The following SGIP1 variants were observed in gnomAD, a reference collection of about 807,000 sequenced individuals.
The protein encoded by SGIP1 is SH3-containing GRB2-like protein 3-interacting protein 1.
In SGIP1, 38 loss-of-function variants were observed where a neutral mutation model predicts 107.5. That is an observed-to-expected ratio of 0.35 (90% CI 0.27 to 0.46). SGIP1 has a LOEUF of 0.46. Among genes scored for constraint, SGIP1 ranks in the 20% least tolerant of loss-of-function variants. The pLI, the probability that SGIP1 is intolerant of heterozygous loss-of-function variation, is 1.00. For missense variants in SGIP1, 929 were observed against 1,019.5 expected (o/e 0.91, Z 1.21); for synonymous variants, 365 against 366.1 (o/e 1.00, Z 0.03).
At chr1:66,574,555 AAGG>A (rs1326209448) in intron 1 of SGIP1, among the ~76,000 whole-genome samples, 2 of 152,194 alleles carry the variant, frequency 1.3e-5, no homozygotes, top group African/African-American at 4.8e-5. Flanking sequence ...CATTAAGGGA[AAGG>A]AGAATATGCT....
At chr1:66,635,861 C>T in intron 3 of SGIP1, 83 bp from the exon 4 acceptor site, 1 of 1,379,574 alleles carries the variant, frequency 7.2e-7, no homozygotes, top group Non-Finnish European at 1.0e-6. Context: ...TGTTTGCTGA[C>T]TCCATGTAAT....
Position 66,683,700 on chromosome 1 carries a change from C to CTTTTTTTTTTTTTTTTTTTTTTTTTT in SGIP1, c.1315+1334_1315+1359dup, listed in dbSNP as rs869266510. 7.7e-4 allele frequency among the ~76,000 whole-genome samples: 47 copies of CTTTTTTTTTTTTTTTTTTTTTTTTTT among 61,392 alleles called. 11 individuals are homozygous for CTTTTTTTTTTTTTTTTTTTTTTTTTT. The highest frequency in any genetic ancestry group is 6.6e-3 in the East Asian group (6 of 908). The allele number at this position is 61,392 out of a possible 152,430, so 40.3% of individuals were successfully genotyped here. On this transcript the variant is annotated intron_variant, in intron 15 of 24. Transcript: ENST00000371037. ...ACCACACTGTTTGTTTGTTTCTTTT[C>CTTTTTTTTTTTTTTTTTTTTTTTTTT]TTTTTTTTTTTTTTTTTTTTTTTTT...
Position 66,585,960 on chromosome 1 carries a change from G to A in SGIP1, c.11-39887G>A, listed in dbSNP as rs534903663. On this transcript the variant is annotated intron_variant, in intron 1 of 24. Transcript: ENST00000371037. ...CAATTCTTGAGAAAGAGGTCTTAAA[G>A]TCTCCAACTACAATTGTGGATTTGT... 2.7e-4 allele frequency among the ~76,000 whole-genome samples: 41 copies of A among 152,306 alleles called. No homozygotes were observed. In the South Asian group the frequency reaches 8.1e-3, roughly 30 times the overall value.
intron 1 of SGIP1, among the ~76,000 whole-genome samples, chr1:66,576,633 T>C (rs1017499988): frequency 2.0e-5 from 3 of 152,162 alleles, no homozygotes; most frequent in Non-Finnish European, 4.4e-5. Flanking sequence ...CCCTTCTATA[T>C]TTTTACTCCA....
intron 1 of SGIP1, among the ~76,000 whole-genome samples, chr1:66,540,524 G>A (rs2054671973): frequency 6.6e-6 from 1 of 152,156 alleles, no homozygotes; most frequent in African/African-American, 2.4e-5. Context: ...GCCTGAAAAT[G>A]GTGGCTTATA....
chr1:66,561,266 C>T (rs572381610), intron 1 of SGIP1, among the ~76,000 whole-genome samples: 68 of 151,980 alleles, frequency 4.5e-4, no homozygotes, highest in Non-Finnish European at 7.9e-4. Context: ...TTGGTAGTGG[C>T]ATTATTGAGA....
rs190537920 is a variant in SGIP1, at chr1:66,567,507, A to G, written c.10+33139A>G. 1.2e-3 allele frequency among the ~76,000 whole-genome samples: 177 copies of G among 152,246 alleles called. 1 individual carries two copies. Among genetic ancestry groups the G allele is most frequent in the Non-Finnish European group, 2.0e-3 (138 of 68,018 alleles). ...TGCTGTGCAGAAGATCTTTAGTTTA[A>G]TTAGATCCTATTTGTCAATTTTCAT... On this transcript the variant is annotated intron_variant, in intron 1 of 24. Coordinates refer to ENST00000371037, the MANE Select transcript of SGIP1 (RefSeq NM_032291.4).
At position 66,675,537 on chromosome 1, in the gene SGIP1, C is replaced by CTTTTTTTTTTTTTTTTTT. The variant is rs141370211; in HGVS notation, c.647-1464_647-1463insTTTTTTTTTTTTTTTTTT. Among the ~76,000 whole-genome samples, 105 of 109,192 alleles carry CTTTTTTTTTTTTTTTTTT rather than the reference C, an allele frequency of 9.6e-4. 17 individuals are homozygous for CTTTTTTTTTTTTTTTTTT. The highest frequency in any genetic ancestry group is 2.8e-3 in the African/African-American group (67 of 24,244). The allele number at this position is 109,192 out of a possible 152,430, so 71.6% of individuals were successfully genotyped here. ...TTTCGTTGTTTTTCTTTTTCTTTTTCTTTCTTTTTTTTTTTTTTTTTTGAC... is the reference window on the plus strand; with the variant it reads ...TTTCGTTGTTTTTCTTTTTCTTTTTCTTTTTTTTTTTTTTTTTTTTTCTTTTTTTTTTTTTTTTTTGAC... On this transcript the variant is annotated intron_variant, in intron 12 of 24. Coordinates refer to ENST00000371037, the MANE Select transcript of SGIP1 (RefSeq NM_032291.4).
intron 18 of SGIP1, among the ~76,000 whole-genome samples, chr1:66,716,606 T>C (rs2150399239): frequency 6.6e-6 from 1 of 152,184 alleles, no homozygotes; most frequent in South Asian, 2.1e-4. Context: ...AAGTCCATTG[T>C]TTCAAATACT....
chr1:66,631,063 GAAAGAAAGAAAGAAAGAAA>G (rs2074492669), intron 2 of SGIP1, among the ~76,000 whole-genome samples: 1 of 128,392 alleles, frequency 7.8e-6, no homozygotes. Flanking sequence ...AAGAAAGAAA[GAAAGAAAGAAAGAAAGAAA>G]GAAAGAAAGA....
At chr1:66,618,958 C>A (rs906749488) in intron 1 of SGIP1, among the ~76,000 whole-genome samples, 1 of 152,190 alleles carries the variant, frequency 6.6e-6, no homozygotes, top group Non-Finnish European at 1.5e-5. Context: ...TTCCCTTCCA[C>A]CCTGTCACCC....
rs994564749 is a variant in SGIP1, at chr1:66,722,110, A to T, written c.1742+2705A>T. 2.9e-4 allele frequency among the ~76,000 whole-genome samples: 43 copies of T among 150,626 alleles called. 1 individual carries two copies. Among genetic ancestry groups the T allele is most frequent in the Non-Finnish European group, 7.4e-5 (5 of 67,602 alleles). On this transcript the variant is annotated intron_variant, in intron 19 of 24. Coordinates refer to ENST00000371037, the MANE Select transcript of SGIP1 (RefSeq NM_032291.4). ...CAACCCTCACCTCCATATTCACTCCACTCTAGCCACATGGCCTCATGGCGT... is the reference window on the plus strand; with the variant it reads ...CAACCCTCACCTCCATATTCACTCCTCTCTAGCCACATGGCCTCATGGCGT...
At chr1:66,704,526 G>A (rs2092320397) in intron 18 of SGIP1, 2 of 152,152 alleles carry the variant, frequency 1.3e-5, no homozygotes, top group Non-Finnish European at 1.5e-5. Context: ...CTGCCAATTT[G>A]ACATATAATT....
At position 66,727,353 on chromosome 1, in the gene SGIP1, C is replaced by T. The variant is rs1051710068; in HGVS notation, c.1743-1911C>T. On this transcript the variant is annotated intron_variant, in intron 19 of 24. Coordinates refer to ENST00000371037, the MANE Select transcript of SGIP1 (RefSeq NM_032291.4). ...TGCAAATTAAAACAACAAGAAGATA[C>T]CACTACTCACCTATGAGAATGGCTA... 7.2e-5 allele frequency among the ~76,000 whole-genome samples: 11 copies of T among 152,294 alleles called. No homozygotes were observed. In the East Asian group the frequency reaches 1.9e-3, roughly 27 times the overall value.
At chr1:66,616,613 T>C (rs1330992077) in intron 1 of SGIP1, among the ~76,000 whole-genome samples, 1 of 152,206 alleles carries the variant, frequency 6.6e-6, no homozygotes, top group Non-Finnish European at 1.5e-5. Context: ...TACAACTGTG[T>C]CTGCTCCCCA....
At chr1:66,711,273 A>C (rs911891439) in intron 18 of SGIP1, among the ~76,000 whole-genome samples, 1 of 152,152 alleles carries the variant, frequency 6.6e-6, no homozygotes, top group Non-Finnish European at 1.5e-5. Flanking sequence ...AGAACATCCT[A>C]TATCATCATA....
At chr1:66,737,266 T>C (rs2094296859) in intron 21 of SGIP1, among the ~76,000 whole-genome samples, 1 of 152,204 alleles carries the variant, frequency 6.6e-6, no homozygotes, top group Non-Finnish European at 1.5e-5. Flanking sequence ...TGCATGTACA[T>C]CTTCACTTCA....
chr1:66,742,293 A>G (rs1049971048), intron 24 of SGIP1, among the ~76,000 whole-genome samples: 2 of 151,918 alleles, frequency 1.3e-5, no homozygotes, highest in South Asian at 2.1e-4. Context: ...TTGTTTTTCA[A>G]TTGGGGGAGA....
In SGIP1 at chr1:66,750,168, G is replaced by A. The variant is rs1263262155; in HGVS notation, c.*7073G>A. Among the ~76,000 whole-genome samples, 1 of 152,074 alleles carries A rather than the reference G, an allele frequency of 6.6e-6. No homozygotes were observed. The highest frequency in any genetic ancestry group is 2.1e-4 in the South Asian group (1 of 4,824). ...ATGATGATATATTAATCTTATCTAT[G>A]AACAGAGCTTCACCACAGGCCAAGC... On this transcript the variant is annotated 3_prime_UTR_variant, in exon 25 of 25. Coordinates refer to ENST00000371037, the MANE Select transcript of SGIP1 (RefSeq NM_032291.4).
Sources: gnomAD v4.1 joint callset for allele counts (sites outside exome capture counted in the v4.1 genomes callset) on GRCh38, gnomAD v4.1.1 for gene constraint, MANE v1.5 for transcripts, NCBI Gene and HGNC (gene_info 2026-07-23, HGNC 2026-07-21) for gene names.